Variants in KCNU1 observed in about 807,000 individuals in gnomAD.
KCNU1 encodes potassium channel subfamily U member 1.
A neutral mutation model predicts 126.8 loss-of-function variants in KCNU1; 93 were observed. The ratio of observed to expected loss-of-function variants is 0.73; its 90% confidence interval spans 0.62 to 0.87. The LOEUF (loss-of-function observed/expected upper bound fraction) is 0.87, where lower values mean the gene tolerates loss of function less well. Ranked by LOEUF, KCNU1 falls within the 40% of genes least tolerant of loss-of-function variation. The pLI, the probability that KCNU1 is intolerant of heterozygous loss-of-function variation, is 0.00. For synonymous variants in KCNU1, 523 were observed against 494.2 expected, an observed-to-expected ratio of 1.06 and a Z score of -0.77; for missense variants, 1,330 against 1,367.1, an observed-to-expected ratio of 0.97 and a Z score of 0.43.
chr8:36,837,992 G>T (rs1804817073), intron 14 of KCNU1, among the ~76,000 whole-genome samples: 1 of 152,158 alleles, frequency 6.6e-6, no homozygotes, highest in South Asian at 2.1e-4. Context: ...AAAAGCAAAA[G>T]AAGTAAGAGG....
chr8:36,893,664 CA>C (rs1185461432), intron 19 of KCNU1, among the ~76,000 whole-genome samples: 3 of 152,034 alleles, frequency 2.0e-5, no homozygotes, highest in African/African-American at 7.2e-5. Context: ...TAGCACTTCT[CA>C]AAAATGCCAT....
intron 2 of KCNU1, among the ~76,000 whole-genome samples, chr8:36,792,068 T>C (rs897202565): frequency 1.3e-5 from 2 of 152,222 alleles, no homozygotes; most frequent in Non-Finnish European, 2.9e-5. Context: ...TTTATGTTTT[T>C]TTCTACACTG....
intron 24 of KCNU1, among the ~76,000 whole-genome samples, chr8:36,927,076 C>T (rs1808558076): frequency 6.6e-6 from 1 of 152,130 alleles, no homozygotes; most frequent in African/African-American, 2.4e-5. Context: ...CTAATAAACA[C>T]CAAGAATAAA....
intron 19 of KCNU1, among the ~76,000 whole-genome samples, chr8:36,876,319 A>C (rs970049149): frequency 6.6e-6 from 1 of 152,210 alleles, no homozygotes. Context: ...TGAATGCGTT[A>C]AAAAAGAAAA....
intron 19 of KCNU1, among the ~76,000 whole-genome samples, chr8:36,869,054 C>G (rs1806008994): frequency 6.6e-6 from 1 of 152,158 alleles, no homozygotes. Flanking sequence ...TCAAAACTCT[C>G]TTCTTTAGTA....
chr8:36,874,300 A>G (rs1806204340), intron 19 of KCNU1, among the ~76,000 whole-genome samples: 1 of 152,188 alleles, frequency 6.6e-6, no homozygotes, highest in South Asian at 2.1e-4. Flanking sequence ...ACATGTGGAA[A>G]TCATTTTTTT....
chr8:36,816,243 C>T (rs1803906405), intron 9 of KCNU1, among the ~76,000 whole-genome samples: 1 of 152,080 alleles, frequency 6.6e-6, no homozygotes, highest in Non-Finnish European at 1.5e-5. Flanking sequence ...CTTGCCACAG[C>T]CATGTGTTCC....
At chr8:36,855,044 G>A (rs1376881348) in intron 18 of KCNU1, among the ~76,000 whole-genome samples, 1 of 152,078 alleles carries the variant, frequency 6.6e-6, no homozygotes, top group African/African-American at 2.4e-5. Flanking sequence ...ATAGTCAGCT[G>A]TAAAGTTGAC....
chr8:36,839,761 G>C (rs16885494), intron 14 of KCNU1, among the ~76,000 whole-genome samples: 1 of 152,092 alleles, frequency 6.6e-6, no homozygotes, highest in African/African-American at 2.4e-5. Context: ...TGCCATATCA[G>C]AACAGTGTGG....
At chr8:36,870,590 G>A (rs922591088) in intron 19 of KCNU1, among the ~76,000 whole-genome samples, 7 of 152,122 alleles carry the variant, frequency 4.6e-5, no homozygotes, top group Non-Finnish European at 8.8e-5. Flanking sequence ...ACAAATCACC[G>A]TACATGGCTC....
intron 10 of KCNU1, among the ~76,000 whole-genome samples, chr8:36,829,583 T>C (rs1563281116): frequency 6.6e-6 from 1 of 151,158 alleles, no homozygotes. Flanking sequence ...TTTTTTTTTA[T>C]AGTTGACAAG....
intron 23 of KCNU1, among the ~76,000 whole-genome samples, chr8:36,920,779 A>C (rs898309074): frequency 6.6e-6 from 1 of 152,178 alleles, no homozygotes; most frequent in Admixed American, 6.5e-5. Context: ...CAGGGAGAGA[A>C]ATGTAGAAGT....
At chr8:36,821,106 G>A (rs1804108077) in intron 10 of KCNU1, among the ~76,000 whole-genome samples, 1 of 152,142 alleles carries the variant, frequency 6.6e-6, no homozygotes, top group Non-Finnish European at 1.5e-5. Flanking sequence ...AAATGCTTCT[G>A]AGCCCAATTT....
chr8:36,910,096 C>T (rs1807807870), intron 21 of KCNU1, among the ~76,000 whole-genome samples: 1 of 152,096 alleles, frequency 6.6e-6, no homozygotes, highest in African/African-American at 2.4e-5. Context: ...CACTCTATGC[C>T]ACCATTTCAC....
At chr8:36,818,796 G>A (rs1420367724) in intron 10 of KCNU1, among the ~76,000 whole-genome samples, 1 of 152,044 alleles carries the variant, frequency 6.6e-6, no homozygotes, top group Non-Finnish European at 1.5e-5. Context: ...ATAAATTTGG[G>A]CCCTCATGTA....
intron 2 of KCNU1, among the ~76,000 whole-genome samples, chr8:36,794,293 TG>T: frequency 6.6e-6 from 1 of 152,060 alleles, no homozygotes; most frequent in African/African-American, 2.4e-5. Flanking sequence ...CCTTTCCTCA[TG>T]GGTCATGTTC....
At chr8:36,928,948 C>A in intron 24 of KCNU1, 1 of 690,620 alleles carries the variant, frequency 1.4e-6, no homozygotes, top group Non-Finnish European at 2.6e-6. Context: ...AATATCACTT[C>A]AGATGATCCA....
chr8:36,878,761 GTA>G, intron 19 of KCNU1, among the ~76,000 whole-genome samples: 1 of 149,138 alleles, frequency 6.7e-6, no homozygotes, highest in East Asian at 1.9e-4. Flanking sequence ...GGACATATGT[GTA>G]TATTTTATAT....
chr8:36,816,545 T>C (rs965309266), intron 9 of KCNU1, among the ~76,000 whole-genome samples: 1 of 152,116 alleles, frequency 6.6e-6, no homozygotes, highest in East Asian at 1.9e-4. Flanking sequence ...AGATAAATAA[T>C]GAGAAGCAGT....
Sources: allele counts gnomAD v4.1 joint callset (sites outside exome capture counted in the v4.1 genomes callset), GRCh38; gene constraint gnomAD v4.1.1; transcripts MANE v1.5; gene names NCBI Gene and HGNC (gene_info 2026-07-23, HGNC 2026-07-21).